TAB2: variants seen among roughly 807,000 people sequenced by gnomAD.
TAB2 encodes TGF-beta-activated kinase 1 and MAP3K7-binding protein 2.
TAB2 carries 3 observed loss-of-function variants against 65.0 expected under a neutral mutation model. The ratio of observed to expected loss-of-function variants is 0.05; its 90% CI spans 0.02 to 0.12. The LOEUF (loss-of-function observed/expected upper bound fraction) is 0.12, where lower values mean the gene tolerates loss of function less well. TAB2 is among the 10% of genes least tolerant of loss of function. The pLI, the probability that TAB2 is intolerant of heterozygous loss-of-function variation, is 1.00. For missense variants in TAB2, 623 were observed against 840.3 expected (o/e 0.74, Z 3.20); for synonymous variants, 298 against 285.1 (o/e 1.05, Z -0.46).
intron 1 of TAB2, among the ~76,000 whole-genome samples, chr6:149,282,835 G>A (rs2114686981): frequency 6.6e-6 from 1 of 152,244 alleles, no homozygotes; most frequent in African/African-American, 2.4e-5. Context: ...CATTACTCTT[G>A]GGGGAAGCAG....
intron 5 of TAB2, 134 bp downstream of exon 5, chr6:149,398,196 T>A (rs901891295): frequency 1.3e-6 from 1 of 751,528 alleles, no homozygotes; most frequent in African/African-American, 1.7e-5. Context: ...GACAGACTTT[T>A]AAGAATATAT....
chr6:149,347,902 T>C (rs553017236), intron 1 of TAB2, among the ~76,000 whole-genome samples: 1 of 152,268 alleles, frequency 6.6e-6, no homozygotes, highest in Non-Finnish European at 1.5e-5. Flanking sequence ...ATGATTCTTA[T>C]TTTATGTTTA....
Position 149,331,906 on chromosome 6 carries a change from A to G in TAB2, c.-90+13891A>G, listed in dbSNP as rs530265749. ...GCAAAGATTTAAACAGGGAAAATAT[A>G]TTAGAAATTATTGTCATACTTAGAT... On this transcript the variant is annotated intron_variant, in intron 1 of 6. Coordinates refer to ENST00000637181, the MANE Select transcript of TAB2 (RefSeq NM_001292034.3). Among the ~76,000 whole-genome samples the G allele has an allele frequency of 6.6e-5, 10 of 152,300 alleles. No homozygotes were observed. In the South Asian group the frequency reaches 1.9e-3, roughly 28 times the overall value.
intron 1 of TAB2, among the ~76,000 whole-genome samples, chr6:149,357,692 A>T (rs1780709550): frequency 2.0e-5 from 3 of 151,496 alleles, no homozygotes; most frequent in Admixed American, 2.0e-4. Context: ...ATCTTTTCTT[A>T]TGTATCTTTT....
At chr6:149,324,958 A>G (rs1050356812) in intron 1 of TAB2, among the ~76,000 whole-genome samples, 3 of 151,174 alleles carry the variant, frequency 2.0e-5, no homozygotes, top group Non-Finnish European at 4.4e-5. Context: ...AACTACATCC[A>G]GCTGATTTCT....
chr6:149,370,086 G>A lies in TAB2; in HGVS notation c.89G>A (p.Arg30Lys). The A allele has an allele frequency of 4.3e-6, 7 of 1,613,860 alleles. No individual in the cohort carries two copies. The South Asian group carries it at 6.6e-5, about 15-fold the overall frequency. ...FPEVPEVVVS[R>K]CMLQNNNNLD... ...GAAGTACCTGAAGTTGTTGTATCCAGGTGCATGTTACAGGTCAGTGTTCAA... is the reference window on the plus strand; with the variant it reads ...GAAGTACCTGAAGTTGTTGTATCCAAGTGCATGTTACAGGTCAGTGTTCAA... Residue 30 changes from arginine (R) to lysine (K), a missense_variant, in exon 2 of 7, where the codon AGG (arginine) becomes AAG (lysine). Arg to Lys is a conservative substitution (Grantham distance 26). Coordinates refer to ENST00000637181, the MANE Select transcript of TAB2 (RefSeq NM_001292034.3).
intron 1 of TAB2, among the ~76,000 whole-genome samples, chr6:149,224,777 G>A (rs1196978709): frequency 6.6e-6 from 1 of 152,168 alleles, no homozygotes; most frequent in East Asian, 1.9e-4. Context: ...TTGATACGTA[G>A]GTTAATGCCA....
At chr6:149,233,116 A>G (rs1467667642) in intron 1 of TAB2, among the ~76,000 whole-genome samples, 1 of 152,214 alleles carries the variant, frequency 6.6e-6, no homozygotes, top group Admixed American at 6.5e-5. Flanking sequence ...GGAGGTAGCC[A>G]GGCACTCATG....
intron 1 of TAB2, chr6:149,346,735 T>TA (rs1309541642): frequency 6.6e-6 from 1 of 152,198 alleles, no homozygotes; most frequent in Non-Finnish European, 1.5e-5. Flanking sequence ...ATTACAGGCA[T>TA]AAGCCACCGT....
At position 149,389,628 on chromosome 6, in the gene TAB2, A is replaced by G. The variant is rs533144350; in HGVS notation, c.1604-7976A>G. ...CCATTGCACTCCAGCCTGGGCAACA[A>G]GAGTAAAACTCTGTGTCAAAAAAAA... On this transcript the variant is annotated intron_variant, in intron 3 of 6. Transcript: ENST00000637181. 1.1e-3 allele frequency among the ~76,000 whole-genome samples: 165 copies of G among 147,306 alleles called. 1 individual carries two copies. Among genetic ancestry groups the G allele is most frequent in the Non-Finnish European group, 2.1e-3 (138 of 66,852 alleles).
At chr6:149,278,751 G>A (rs532253053) in intron 1 of TAB2, among the ~76,000 whole-genome samples, 4 of 152,162 alleles carry the variant, frequency 2.6e-5, no homozygotes, top group East Asian at 3.9e-4. Context: ...AAGGAAGGGT[G>A]AAAGGAAAGA....
intron 1 of TAB2, among the ~76,000 whole-genome samples, chr6:149,309,270 T>A (rs1248334978): frequency 1.3e-5 from 2 of 152,258 alleles, no homozygotes; most frequent in Non-Finnish European, 2.9e-5. Context: ...TTATATATGC[T>A]GTTTTACATA....
chr6:149,251,767 G>C (rs1777865370), intron 1 of TAB2, among the ~76,000 whole-genome samples: 1 of 152,138 alleles, frequency 6.6e-6, no homozygotes, highest in South Asian at 2.1e-4. Flanking sequence ...GATCCAAAAA[G>C]ACTTTAGCTG....
At chr6:149,251,163 G>A (rs1486271789) in intron 1 of TAB2, among the ~76,000 whole-genome samples, 5 of 152,288 alleles carry the variant, frequency 3.3e-5, no homozygotes, top group Admixed American at 1.3e-4. Context: ...ATAATCAACC[G>A]TAGAGATGAC....
intron 1 of TAB2, among the ~76,000 whole-genome samples, chr6:149,306,162 T>G (rs368824370): frequency 6.6e-6 from 1 of 152,248 alleles, no homozygotes; most frequent in South Asian, 2.1e-4. Context: ...TCCCAGCACT[T>G]TGGGAGGCCA....
At chr6:149,224,760 T>G (rs1158083845) in intron 1 of TAB2, among the ~76,000 whole-genome samples, 1 of 152,202 alleles carries the variant, frequency 6.6e-6, no homozygotes, top group East Asian at 1.9e-4. Flanking sequence ...CCTTTTCAAC[T>G]CGTAGTTTGA....
chr6:149,366,245 T>G (rs1781036189), intron 1 of TAB2, among the ~76,000 whole-genome samples: 1 of 152,222 alleles, frequency 6.6e-6, no homozygotes, highest in South Asian at 2.1e-4. Context: ...GTTATCTGTT[T>G]CAAGCCAGAT....
At position 149,356,250 on chromosome 6, in the gene TAB2, G is replaced by A. The variant is rs184202814; in HGVS notation, c.-89-13659G>A. On this transcript the variant is annotated intron_variant, in intron 1 of 6. Coordinates refer to ENST00000637181, the MANE Select transcript of TAB2 (RefSeq NM_001292034.3). ...GAAAACTTAGTATGGCCTTATTAAA[G>A]GCAAGATTTCACAGTGATTCTGTGA... is the stretch of plus-strand genomic sequence containing the variant. Among the ~76,000 whole-genome samples the A allele has an allele frequency of 2.4e-3, 366 of 152,286 alleles. 2 individuals are homozygous for A. The highest frequency in any genetic ancestry group is 8.5e-3 in the African/African-American group (352 of 41,562).
chr6:149,403,335 TATATACACACAC>T (rs1361620852), intron 6 of TAB2, among the ~76,000 whole-genome samples: 1 of 33,382 alleles, frequency 3.0e-5, no homozygotes, highest in Non-Finnish European at 6.3e-5. Context: ...TATATACATA[TATATACACACAC>T]ACACACACAC....
Sources: allele counts gnomAD v4.1 joint callset (sites outside exome capture counted in the v4.1 genomes callset), GRCh38; gene constraint gnomAD v4.1.1; transcripts MANE v1.5; gene names NCBI Gene and HGNC (gene_info 2026-07-23, HGNC 2026-07-21).